Variants in SSTR2 observed in about 807,000 individuals in gnomAD.
SSTR2 encodes somatostatin receptor 2, also known as somatostatin receptor type 2.
In SSTR2, 10 loss-of-function variants were observed where a neutral mutation model predicts 21.4. The observed-to-expected ratio is 0.47, with a 90% CI of 0.29 to 0.79. SSTR2 has a LOEUF of 0.79. Ranked by LOEUF, SSTR2 falls within the 30% of genes least tolerant of loss-of-function variation. The pLI is 0.10. For synonymous variants in SSTR2, 177 were observed against 181.3 expected (o/e 0.98, Z 0.19); for missense variants, 364 against 468.8 (o/e 0.78, Z 2.06).
chr17:73,172,618 C>T lies in SSTR2; in HGVS notation c.*2189C>T, dbSNP rs569718337. 7.9e-5 allele frequency: 12 copies of T among 152,238 alleles called. No individual in the cohort carries two copies. Among genetic ancestry groups the T allele is most frequent in the African/African-American group, 2.9e-4 (12 of 41,538 alleles). 9.4% of individuals were successfully genotyped at this position (152,238 alleles called of 1,614,324 possible). On this transcript the variant is annotated 3_prime_UTR_variant, in exon 2 of 2. Transcript: ENST00000357585. Reference sequence around the variant, plus strand: ...AATAAAAAGAGGTATAGTTATAAAACAAGACTACAGAAAAAGTTGTGGCAG... The same window carrying T: ...AATAAAAAGAGGTATAGTTATAAAATAAGACTACAGAAAAAGTTGTGGCAG...
intron 1 of SSTR2, chr17:73,167,905 TGGGATGAA>T (rs2061221435): frequency 2.6e-5 from 4 of 152,238 alleles, no homozygotes; most frequent in African/African-American, 7.2e-5. Flanking sequence ...CATTTAATTA[TGGGATGAA>T]CTATTGTTTT....
chr17:73,165,624 C>A (rs1011345738), intron 1 of SSTR2, among the ~76,000 whole-genome samples: 2 of 151,994 alleles, frequency 1.3e-5, no homozygotes, highest in Admixed American at 6.6e-5. Context: ...CGGGTGACAA[C>A]TTCTCTCCCA....
rs1285243982 is a variant in SSTR2, at chr17:73,165,295, G to GGGGTGT, written c.-93+8_-93+9insGGTGTG. 120 of 132,456 alleles carry GGGGTGT rather than the reference G, an allele frequency of 9.1e-4. No individual in the cohort carries two copies. The highest frequency in any genetic ancestry group is 3.2e-3 in the African/African-American group (119 of 36,626). The allele number at this position is 132,456 out of a possible 1,614,324, so 8.2% of individuals were successfully genotyped here. A position where few individuals can be genotyped will look rare whatever the true frequency, so the allele number is the denominator to read the frequency against. On this transcript the variant is annotated splice_region_variant and intron_variant, in intron 1 of 1. Transcript: ENST00000357585. The stretch of plus-strand genomic sequence containing the variant: ...TTGCAGCGGAAAAGCAAAGGTGAGG[G>GGGGTGT]GTGTGTGTGTGTGTGTGTGTGTGTG...
Position 73,172,976 on chromosome 17 carries a change from G to C in SSTR2, c.*2547G>C, listed in dbSNP as rs1457782054. The C allele has an allele frequency of 6.6e-6, 1 of 152,166 alleles. No individual in the cohort carries two copies. The highest frequency in any genetic ancestry group is 1.5e-5 in the Non-Finnish European group (1 of 68,050). The allele number at this position is 152,166 out of a possible 1,614,324, so 9.4% of individuals were successfully genotyped here. A position where few individuals can be genotyped will look rare whatever the true frequency, so the allele number is the denominator to read the frequency against. ...CCCACACTTTGGGAGGCTGAGGTGGGTGGATTGCCTGAGGTCAAGAGTTCA... is the reference window on the plus strand; with the variant it reads ...CCCACACTTTGGGAGGCTGAGGTGGCTGGATTGCCTGAGGTCAAGAGTTCA... On this transcript the variant is annotated 3_prime_UTR_variant, in exon 2 of 2. Coordinates refer to ENST00000357585, the MANE Select transcript of SSTR2 (RefSeq NM_001050.3).
chr17:73,169,183 A>T lies in SSTR2; in HGVS notation c.-92-45A>T. ...AAATGTGTAAATTTGGTGAGACTTT[A>T]AACAGCCTGTGACCGACGGGCCAAT... On this transcript the variant is annotated intron_variant, in intron 1 of 1. Transcript: ENST00000357585. This position sits in a 1 kb window ranked among gnomAD's most constrained non-coding sequence, Gnocchi z 5.2. The T allele has an allele frequency of 9.2e-7, 1 of 1,083,574 alleles. No individual in the cohort carries two copies. Among genetic ancestry groups the T allele is most frequent in the Non-Finnish European group, 1.3e-6 (1 of 778,186 alleles). 67.1% of individuals were successfully genotyped at this position (1,083,574 alleles called of 1,614,324 possible). A position where few individuals can be genotyped will look rare whatever the true frequency, so the allele number is the denominator to read the frequency against.
In SSTR2 at chr17:73,172,010, G is replaced by A. The variant is rs976142234; in HGVS notation, c.*1581G>A. The A allele has an allele frequency of 1.3e-4, 16 of 125,020 alleles. No individual in the cohort carries two copies. Among genetic ancestry groups the A allele is most frequent in the African/African-American group, 4.6e-4 (15 of 32,874 alleles). 7.7% of individuals were successfully genotyped at this position (125,020 alleles called of 1,614,324 possible). On this transcript the variant is annotated 3_prime_UTR_variant, in exon 2 of 2. Coordinates refer to ENST00000357585, the MANE Select transcript of SSTR2 (RefSeq NM_001050.3). ...AGAAGACATTGTTCACAAAACAAAA[G>A]CACCCTCACCTGCCAATGAATATGC...
chr17:73,169,207 A>G lies in SSTR2; in HGVS notation c.-92-21A>G. ...TAAACAGCCTGTGACCGACGGGCCA[A>G]TCTTCCTCTTTTCCTTCCAGATGTC... On this transcript the variant is annotated intron_variant, in intron 1 of 1. Transcript: ENST00000357585. The surrounding 1 kb of genome is among the most constrained non-coding windows in gnomAD (Gnocchi z 5.2). 1.5e-6 allele frequency: 2 copies of G among 1,335,808 alleles called. No individual in the cohort carries two copies. The highest frequency in any genetic ancestry group is 1.5e-5 in the African/African-American group (1 of 67,910). 82.7% of individuals were successfully genotyped at this position (1,335,808 alleles called of 1,614,324 possible). A position where few individuals can be genotyped will look rare whatever the true frequency, so the allele number is the denominator to read the frequency against.
chr17:73,165,651 A>T (rs1334486650), intron 1 of SSTR2, among the ~76,000 whole-genome samples: 2 of 151,172 alleles, frequency 1.3e-5, no homozygotes, highest in African/African-American at 2.4e-5. Context: ...TACAAAAGAG[A>T]CCTGGCGCGA....
At position 73,175,644 on chromosome 17, in the gene SSTR2, T is replaced by C. The variant is rs9915918; in HGVS notation, c.*5215T>C. 0.98 allele frequency: 149,041 copies of C among 152,254 alleles called. 73,032 individuals carry two copies. The highest frequency in any genetic ancestry group is 1 in the East Asian group (5,176 of 5,176). 9.4% of individuals were successfully genotyped at this position (152,254 alleles called of 1,614,324 possible). On this transcript the variant is annotated 3_prime_UTR_variant, in exon 2 of 2. Transcript: ENST00000357585. ...CTGGACGGGCTGCGTTGGGGGGAGGTGCAGGGAAAGAACACCTCTTTGCTT... is the reference window on the plus strand; with the variant it reads ...CTGGACGGGCTGCGTTGGGGGGAGGCGCAGGGAAAGAACACCTCTTTGCTT...
In SSTR2 at chr17:73,170,332, G is replaced by C; in HGVS notation, c.1013G>C (p.Gly338Ala). Reference sequence around the variant, plus strand: ...GTCAAGGTGAGCGGCACAGATGATGGGGAGCGGAGTGACAGTAAGCAGGAC... The same window carrying C: ...GTCAAGGTGAGCGGCACAGATGATGCGGAGCGGAGTGACAGTAAGCAGGAC... ...CLVKVSGTDDGERSDSKQDKS... is the reference protein window; with the variant it reads ...CLVKVSGTDDAERSDSKQDKS... The change falls in exon 2 of 2, where the codon GGG becomes GCG. Residue 338 changes from glycine to alanine, a missense_variant. By Grantham distance (60) the Gly-to-Ala change is moderately conservative. Transcript: ENST00000357585. 6.2e-7 allele frequency: 1 copy of C among 1,613,994 alleles called. No individual in the cohort carries two copies. Among genetic ancestry groups the C allele is most frequent in the Non-Finnish European group, 8.5e-7 (1 of 1,180,018 alleles).
chr17:73,170,369 G>C lies in SSTR2; in HGVS notation c.1050G>C (p.Leu350=), dbSNP rs553445989. ...ACAGTAAGCAGGACAAATCCCGGCT[G>C]AATGAGACCACGGAGACCCAGAGGA... ...RSDSKQDKSR[L]NETTETQRTL... The change falls in exon 2 of 2, where the codon CTG becomes CTC. Residue 350 remains leucine, a synonymous_variant. Transcript: ENST00000357585. 1 of 1,614,014 alleles carries C rather than the reference G, an allele frequency of 6.2e-7. No individual in the cohort carries two copies. Among genetic ancestry groups the C allele is most frequent in the African/African-American group, 1.3e-5 (1 of 74,974 alleles).
In SSTR2 at chr17:73,169,156, A is replaced by C. The variant is rs2061225442; in HGVS notation, c.-92-72A>C. On this transcript the variant is annotated intron_variant, in intron 1 of 1. Coordinates refer to ENST00000357585, the MANE Select transcript of SSTR2 (RefSeq NM_001050.3). This position sits in a 1 kb window ranked among gnomAD's most constrained non-coding sequence, Gnocchi z 5.2. ...AAGAGTATGTCTGAGAGGCTAAACC[A>C]GAAATGTGTAAATTTGGTGAGACTT... is the stretch of plus-strand genomic sequence containing the variant. The C allele has an allele frequency of 5.1e-6, 4 of 778,464 alleles. No individual in the cohort carries two copies. The East Asian group carries it at 1.1e-4, about 21-fold the overall frequency. 48.2% of individuals were successfully genotyped at this position (778,464 alleles called of 1,614,324 possible).
rs1163814375 is a variant in SSTR2 at position 73,176,029 on chromosome 17, G to T, written c.*5600G>T. ...CACAGAGGGAGACACAGTCATCCCA[G>T]ATCCTTACAAAGAATACATTGCCAA... On this transcript the variant is annotated 3_prime_UTR_variant, in exon 2 of 2. Coordinates refer to ENST00000357585, the MANE Select transcript of SSTR2 (RefSeq NM_001050.3). 6.6e-6 allele frequency: 1 copy of T among 152,216 alleles called. No homozygotes were observed. Among genetic ancestry groups the T allele is most frequent in the Non-Finnish European group, 1.5e-5 (1 of 68,070 alleles). 9.4% of individuals were successfully genotyped at this position (152,216 alleles called of 1,614,324 possible).
intron 1 of SSTR2, among the ~76,000 whole-genome samples, chr17:73,165,754 G>C (rs1204888748): frequency 6.6e-6 from 1 of 151,650 alleles, no homozygotes; most frequent in Non-Finnish European, 1.5e-5. Flanking sequence ...GCGCAGAGCG[G>C]AGAAAGAGGG....
rs2061244507 is a variant in SSTR2, at chr17:73,174,628, T to C, written c.*4199T>C. 1 of 152,016 alleles carries C rather than the reference T, an allele frequency of 6.6e-6. No individual in the cohort carries two copies. Among genetic ancestry groups the C allele is most frequent in the African/African-American group, 2.4e-5 (1 of 41,396 alleles). The allele number at this position is 152,016 out of a possible 1,614,324, so 9.4% of individuals were successfully genotyped here. A position where few individuals can be genotyped will look rare whatever the true frequency, so the allele number is the denominator to read the frequency against. ...ATTCCTGATCAGCTCTGAATGTGAC[T>C]ATTCAATGAAGACAGTAAAGTTACA... On this transcript the variant is annotated 3_prime_UTR_variant, in exon 2 of 2. Coordinates refer to ENST00000357585, the MANE Select transcript of SSTR2 (RefSeq NM_001050.3).
chr17:73,169,907 C>T lies in SSTR2; in HGVS notation c.588C>T (p.Asn196=), dbSNP rs756763217. ...NQWGRSSCTI[N]WPGESGAWYT... is the part of the protein sequence containing the mutation. ...GGGGGAGAAGCAGCTGCACCATCAA[C>T]TGGCCAGGTGAATCTGGGGCTTGGT... Residue 196 remains asparagine (N), a synonymous_variant, in exon 2 of 2, where the codon AAC becomes AAT. Coordinates refer to ENST00000357585, the MANE Select transcript of SSTR2 (RefSeq NM_001050.3). The surrounding 1 kb of genome is among the most constrained non-coding windows in gnomAD (Gnocchi z 5.2). The T allele has an allele frequency of 7.5e-6, 12 of 1,609,870 alleles. No individual in the cohort carries two copies. Among genetic ancestry groups the T allele is most frequent in the Non-Finnish European group, 1.0e-5 (12 of 1,176,910 alleles).
chr17:73,175,612 CTCTT>C lies in SSTR2; in HGVS notation c.*5186_*5189del, dbSNP rs1483199334. The stretch of plus-strand genomic sequence containing the variant: ...GCTCAGCCAATTTTTCCTCAACTCT[CTCTT>C]TCCTGGACGGGCTGCGTTGGGGGGA... On this transcript the variant is annotated 3_prime_UTR_variant, in exon 2 of 2. Transcript: ENST00000357585. 1 of 152,186 alleles carries C rather than the reference CTCTT, an allele frequency of 6.6e-6. No individual in the cohort carries two copies. The highest frequency in any genetic ancestry group is 6.5e-5 in the Admixed American group (1 of 15,272). 9.4% of individuals were successfully genotyped at this position (152,186 alleles called of 1,614,324 possible). A position where few individuals can be genotyped will look rare whatever the true frequency, so the allele number is the denominator to read the frequency against.
chr17:73,172,144 G>A lies in SSTR2; in HGVS notation c.*1715G>A, dbSNP rs2061237642. ...ACATAGTAACTGTCATATCTTTAATGCCATGGACTCACTGAGCCGCTCTGC... is the reference window on the plus strand; with the variant it reads ...ACATAGTAACTGTCATATCTTTAATACCATGGACTCACTGAGCCGCTCTGC... On this transcript the variant is annotated 3_prime_UTR_variant, in exon 2 of 2. Transcript: ENST00000357585. The A allele has an allele frequency of 6.6e-6, 1 of 151,774 alleles. No individual in the cohort carries two copies. The highest frequency in any genetic ancestry group is 1.5e-5 in the Non-Finnish European group (1 of 67,972). The allele number at this position is 151,774 out of a possible 1,614,324, so 9.4% of individuals were successfully genotyped here.
Position 73,171,604 on chromosome 17 carries a change from A to G in SSTR2, c.*1175A>G, listed in dbSNP as rs1012258337. ...CTCAAAGGGGACTTTAGAGGACTTC[A>G]TACAAAGCTGGGCATTAAGAAAACC... On this transcript the variant is annotated 3_prime_UTR_variant, in exon 2 of 2. Coordinates refer to ENST00000357585, the MANE Select transcript of SSTR2 (RefSeq NM_001050.3). 1 of 166,880 alleles carries G rather than the reference A, an allele frequency of 6.0e-6. No homozygotes were observed. Among genetic ancestry groups the G allele is most frequent in the Non-Finnish European group, 1.5e-5 (1 of 68,122 alleles). The allele number at this position is 166,880 out of a possible 1,614,324, so 10.3% of individuals were successfully genotyped here.
Sources: gnomAD v4.1 joint callset for allele counts (sites outside exome capture counted in the v4.1 genomes callset) on GRCh38, gnomAD v4.1.1 for gene constraint, Gnocchi (gnomAD v3.1) non-coding constraint, MANE v1.5 for transcripts, NCBI Gene and HGNC (gene_info 2026-07-23, HGNC 2026-07-21) for gene names.